Variants in XRRA1 observed in about 807,000 individuals in gnomAD.
XRRA1 encodes the protein X-ray radiation resistance-associated protein 1.
Under a neutral mutation model 80.2 loss-of-function variants are expected in XRRA1, and 69 were observed. The observed-to-expected ratio is 0.86, with a 90% CI of 0.71 to 1.05. The LOEUF (loss-of-function observed/expected upper bound fraction) is 1.05, where lower values mean the gene tolerates loss of function less well. Among genes scored for constraint, XRRA1 ranks in the 50% least tolerant of loss-of-function variants. XRRA1 has a pLI of 0.00. For synonymous variants in XRRA1, 348 were observed against 389.9 expected, an observed-to-expected ratio of 0.89 and a Z score of 1.27; for missense variants, 967 against 976.4, an observed-to-expected ratio of 0.99 and a Z score of 0.13.
chr11:74,843,762 GC>G, intron 18 of XRRA1, 91 bp downstream of exon 18: 1 of 1,174,692 alleles, frequency 8.5e-7, no homozygotes. Context: ...CTCTCTAAGG[GC>G]CTTTCCTGCA....
At chr11:74,947,572 C>A (rs958305337) in intron 1 of XRRA1, among the ~76,000 whole-genome samples, 5 of 151,896 alleles carry the variant, frequency 3.3e-5, no homozygotes, top group African/African-American at 1.2e-4. Context: ...GTGACTAGGG[C>A]AATGCTGTAT....
chr11:74,943,163 C>T (rs1437501758), intron 2 of XRRA1, among the ~76,000 whole-genome samples: 3 of 152,194 alleles, frequency 2.0e-5, no homozygotes, highest in Non-Finnish European at 2.9e-5. Flanking sequence ...CTCTTCAATA[C>T]CAATTTACAG....
At chr11:74,892,184 A>C (rs984301640) in intron 10 of XRRA1, among the ~76,000 whole-genome samples, 1 of 152,194 alleles carries the variant, frequency 6.6e-6, no homozygotes, top group African/African-American at 2.4e-5. Context: ...CCAAAACAGC[A>C]TGGTACCGGT....
At position 74,841,055 on chromosome 11, in the gene XRRA1, G is replaced by T. The variant is rs888122846; in HGVS notation, c.*2145C>A. 1 of 152,014 alleles carries T rather than the reference G, an allele frequency of 6.6e-6. No homozygotes were observed. The highest frequency in any genetic ancestry group is 1.5e-5 in the Non-Finnish European group (1 of 68,014). 9.4% of individuals were successfully genotyped at this position (152,014 alleles called of 1,614,324 possible). A position where few individuals can be genotyped will look rare whatever the true frequency, so the allele number is the denominator to read the frequency against. On this transcript the variant is annotated 3_prime_UTR_variant, in exon 19 of 19. Transcript: ENST00000684022. Reference sequence around the variant, plus strand: ...GAGAAAGTCTCCATAGTATAAGTAAGTAATATGAATGTGGAATCTTGGAAA... The same window carrying T: ...GAGAAAGTCTCCATAGTATAAGTAATTAATATGAATGTGGAATCTTGGAAA...
intron 2 of XRRA1, among the ~76,000 whole-genome samples, chr11:74,941,675 T>C (rs974021709): frequency 6.6e-6 from 1 of 152,174 alleles, no homozygotes; most frequent in Admixed American, 6.5e-5. Context: ...ATCCAAGCTG[T>C]ACTTTACAAA....
chr11:74,882,726 A>G (rs2047958996), intron 10 of XRRA1, among the ~76,000 whole-genome samples: 1 of 151,942 alleles, frequency 6.6e-6, no homozygotes, highest in Non-Finnish European at 1.5e-5. Flanking sequence ...TTTCCTTCTA[A>G]CAGAGAGGAC....
intron 10 of XRRA1, among the ~76,000 whole-genome samples, chr11:74,879,915 T>C (rs1325030325): frequency 6.6e-6 from 1 of 151,982 alleles, no homozygotes; most frequent in Non-Finnish European, 1.5e-5. Context: ...AAGATATGGG[T>C]CTAAAATTCT....
Position 74,877,879 on chromosome 11 carries a change from T to A in XRRA1, c.1004-14858A>T, listed in dbSNP as rs1248307198. Among the ~76,000 whole-genome samples the A allele has an allele frequency of 2.0e-5, 3 of 152,234 alleles. No individual in the cohort carries two copies. In the East Asian group the frequency reaches 5.8e-4, roughly 29 times the overall value. ...GTCTATCATTGTTGGACATTTGGGT[T>A]GGTTCCAAGTCTTTGCTATTGTGAA... On this transcript the variant is annotated intron_variant, in intron 10 of 18. Coordinates refer to ENST00000684022, the MANE Select transcript of XRRA1 (RefSeq NM_001378157.1).
intron 1 of XRRA1, among the ~76,000 whole-genome samples, 190 bp downstream of exon 1, chr11:74,948,738 G>A (rs530558712): frequency 5.9e-5 from 9 of 152,298 alleles, no homozygotes. Context: ...TAGGCACTCA[G>A]TAAACGCGAG....
intron 10 of XRRA1, among the ~76,000 whole-genome samples, chr11:74,886,658 C>T (rs933272618): frequency 1.6e-4 from 24 of 152,126 alleles, no homozygotes; most frequent in Non-Finnish European, 3.2e-4. Flanking sequence ...TTTATAGATT[C>T]AATGCTATTC....
At chr11:74,885,170 G>A (rs1240250058) in intron 10 of XRRA1, among the ~76,000 whole-genome samples, 1 of 152,100 alleles carries the variant, frequency 6.6e-6, no homozygotes, top group Non-Finnish European at 1.5e-5. Flanking sequence ...AGGCTGAGGT[G>A]GGAGGATTGC....
intron 5 of XRRA1, among the ~76,000 whole-genome samples, chr11:74,931,468 G>C (rs575988891): frequency 1.4e-4 from 21 of 152,094 alleles, no homozygotes; most frequent in African/African-American, 5.1e-4. Flanking sequence ...GGGATTACAG[G>C]TGTCTGCCAC....
At position 74,940,792 on chromosome 11, in the gene XRRA1, C is replaced by T. The variant is rs374959795; in HGVS notation, c.87G>A (p.Pro29=). 54 of 1,603,920 alleles carry T rather than the reference C, an allele frequency of 3.4e-5. No individual in the cohort carries two copies. Among genetic ancestry groups the T allele is most frequent in the East Asian group, 2.2e-4 (10 of 44,562 alleles). ...CFPARNLLRV[P]EEGQGHWLVV... Reference sequence around the variant, plus strand: ...TTTGAGAAGTCACCTGACCTTCCTCCGGCACGCGAAGCAGATTTCTGGCTG... The same window carrying T: ...TTTGAGAAGTCACCTGACCTTCCTCTGGCACGCGAAGCAGATTTCTGGCTG... The change falls in exon 3 of 19, where the codon CCG becomes CCA. Residue 29 remains proline (P), a synonymous_variant. Transcript: ENST00000684022.
At chr11:74,891,610 A>G (rs1318017179) in intron 10 of XRRA1, among the ~76,000 whole-genome samples, 1 of 152,228 alleles carries the variant, frequency 6.6e-6, no homozygotes, top group Non-Finnish European at 1.5e-5. Context: ...GAGGAAGTCA[A>G]ATTGTCCCTG....
At position 74,845,280 on chromosome 11, in the gene XRRA1, A is replaced by G. The variant is rs1270527299; in HGVS notation, c.1729-9T>C. ...GAAGGCAGTTCACTCACCTGTGCCCAGGAAGAAAACGCATTCATTTGTCAC... is the reference window on the plus strand; with the variant it reads ...GAAGGCAGTTCACTCACCTGTGCCCGGGAAGAAAACGCATTCATTTGTCAC... On this transcript the variant is annotated splice_polypyrimidine_tract_variant and intron_variant, in intron 15 of 18. Transcript: ENST00000684022. 14 of 1,606,096 alleles carry G rather than the reference A, an allele frequency of 8.7e-6. No individual in the cohort carries two copies. The highest frequency in any genetic ancestry group is 1.1e-5 in the South Asian group (1 of 90,244).
chr11:74,873,689 CTCT>C (rs1271400770), intron 10 of XRRA1, among the ~76,000 whole-genome samples: 1 of 152,168 alleles, frequency 6.6e-6, no homozygotes, highest in Admixed American at 6.5e-5. Context: ...GGCAGTGAAG[CTCT>C]TCTTAATTTC....
intron 12 of XRRA1, among the ~76,000 whole-genome samples, chr11:74,852,943 G>A (rs2040243081): frequency 6.6e-6 from 1 of 152,198 alleles, no homozygotes; most frequent in Non-Finnish European, 1.5e-5. Flanking sequence ...CTGGAAGAGG[G>A]AGGGCACTTC....
In XRRA1 at chr11:74,882,485, C is replaced by T. The variant is rs1363121325; in HGVS notation, c.1004-19464G>A. 3.0e-3 allele frequency among the ~76,000 whole-genome samples: 458 copies of T among 152,086 alleles called. 1 individual carries two copies. Among genetic ancestry groups the T allele is most frequent in the Non-Finnish European group, 4.9e-3 (336 of 67,968 alleles). ...CTCCCGTAGCTCAGAGTAATTTGAT[C>T]GTCTGAAGCCTTCTTCTCTCAGCTC... On this transcript the variant is annotated intron_variant, in intron 10 of 18. Transcript: ENST00000684022.
intron 8 of XRRA1, chr11:74,911,431 A>C (rs1327127969): frequency 6.6e-6 from 1 of 152,152 alleles, no homozygotes; most frequent in Non-Finnish European, 1.5e-5. Context: ...TGCAGGTAGG[A>C]ATACATTTAT....
Sources: allele counts gnomAD v4.1 joint callset (sites outside exome capture counted in the v4.1 genomes callset), GRCh38; gene constraint gnomAD v4.1.1; transcripts MANE v1.5; gene names NCBI Gene and HGNC (gene_info 2026-07-23, HGNC 2026-07-21).